Variants in PPAT observed in about 807,000 individuals in gnomAD.
PPAT encodes phosphoribosyl pyrophosphate amidotransferase, also known as amidophosphoribosyltransferase.
Under a neutral mutation model 60.2 loss-of-function variants are expected in PPAT, and 20 were observed. The observed-to-expected ratio is 0.33, with a 90% CI of 0.23 to 0.48. The LOEUF is 0.48. Among genes scored for constraint, PPAT ranks in the 20% least tolerant of loss-of-function variants. The pLI is 0.99. For missense variants in PPAT, 349 were observed against 629.6 expected (o/e 0.55, Z 4.77); for synonymous variants, 194 against 215.1 (o/e 0.90, Z 0.86).
intron 1 of PPAT, among the ~76,000 whole-genome samples, chr4:56,433,018 T>C (rs951559150): frequency 4.7e-5 from 7 of 150,264 alleles, no homozygotes; most frequent in Non-Finnish European, 1.0e-4. Context: ...TATATAAAAC[T>C]AAACTAAAAG....
intron 7 of PPAT, 85 bp downstream of exon 7, chr4:56,401,245 T>C: frequency 7.8e-7 from 1 of 1,279,652 alleles, no homozygotes; most frequent in Non-Finnish European, 1.1e-6. Flanking sequence ...AAGAGCCAGG[T>C]AAGCCTTTGA....
intron 1 of PPAT, chr4:56,420,093 A>C: frequency 1.5e-6 from 1 of 667,448 alleles, no homozygotes; most frequent in Non-Finnish European, 1.9e-6. Context: ...GTTACATCAC[A>C]CAGGTTCAAG....
chr4:56,435,512 T>A lies in PPAT; in HGVS notation c.-35A>T, dbSNP rs1490470385. 1 of 1,612,480 alleles carries A rather than the reference T, an allele frequency of 6.2e-7. No homozygotes were observed. Among genetic ancestry groups the A allele is most frequent in the Non-Finnish European group, 8.5e-7 (1 of 1,179,920 alleles). On this transcript the variant is annotated 5_prime_UTR_variant, in exon 1 of 11. Coordinates refer to ENST00000264220, the MANE Select transcript of PPAT (RefSeq NM_002703.5). ...GAAAGCACGTGGAAGGACCTGCCGC[T>A]GCGGCCAAGGTGTAAGCACCAACCA...
At chr4:56,406,726 TAGAAAAAA>T (rs1352542210) in intron 2 of PPAT, 25 bp from the exon 3 acceptor site, 1 of 1,553,812 alleles carries the variant, frequency 6.4e-7, no homozygotes, top group Non-Finnish European at 8.9e-7. Flanking sequence ...AAGTGCAACT[TAGAAAAAA>T]ACAGACTAGT....
intron 3 of PPAT, among the ~76,000 whole-genome samples, chr4:56,404,717 TG>T (rs535606757): frequency 1.3e-5 from 2 of 152,304 alleles, no homozygotes; most frequent in South Asian, 4.1e-4. Flanking sequence ...TTTTTTCATT[TG>T]GGGACAGAAA....
intron 1 of PPAT, among the ~76,000 whole-genome samples, chr4:56,427,235 T>C (rs1717336228): frequency 6.6e-6 from 1 of 152,242 alleles, no homozygotes; most frequent in African/African-American, 2.4e-5. Flanking sequence ...TTCTTTTGGG[T>C]ATATACCCAG....
rs891244919 is a variant in PPAT, at chr4:56,434,106, A to C, written c.128+1244T>G. Among the ~76,000 whole-genome samples the C allele has an allele frequency of 2.6e-5, 4 of 152,212 alleles. No homozygotes were observed. The East Asian group carries it at 7.7e-4, about 29-fold the overall frequency. ...TCAATAAACTTTTTTTAAAAAAAAC[A>C]AGAAATCTATTATGGTCAACCCACA... On this transcript the variant is annotated intron_variant, in intron 1 of 10. Coordinates refer to ENST00000264220, the MANE Select transcript of PPAT (RefSeq NM_002703.5).
At chr4:56,397,356 T>TAA (rs1411918634) in intron 9 of PPAT, among the ~76,000 whole-genome samples, 1 of 152,234 alleles carries the variant, frequency 6.6e-6, no homozygotes, top group Admixed American at 6.5e-5. Flanking sequence ...TAAACTCTTG[T>TAA]ATCTATTACA....
intron 1 of PPAT, among the ~76,000 whole-genome samples, chr4:56,432,155 G>C (rs1246559923): frequency 6.6e-6 from 1 of 152,136 alleles, no homozygotes; most frequent in Non-Finnish European, 1.5e-5. Context: ...TTTCAGATTA[G>C]ATTATACCCA....
intron 1 of PPAT, among the ~76,000 whole-genome samples, chr4:56,429,828 C>T (rs753774985): frequency 2.6e-5 from 4 of 152,234 alleles, no homozygotes; most frequent in Non-Finnish European, 5.9e-5. Context: ...ATTCTCACTT[C>T]TATCACCATA....
Position 56,403,029 on chromosome 4 carries a change from A to T in PPAT, c.661+11T>A, listed in dbSNP as rs752425755. The T allele has an allele frequency of 1.3e-6, 2 of 1,586,486 alleles. No homozygotes were observed. The highest frequency in any genetic ancestry group is 2.3e-5 in the South Asian group (2 of 86,548). On this transcript the variant is annotated intron_variant, in intron 5 of 10. Transcript: ENST00000264220. ...ACACTATGAAATGATATTCCTTCTA[A>T]AGTTTATTACCTTTGTCATTTATAT...
At chr4:56,426,590 G>A (rs1204273493) in intron 1 of PPAT, among the ~76,000 whole-genome samples, 1 of 152,020 alleles carries the variant, frequency 6.6e-6, no homozygotes, top group Non-Finnish European at 1.5e-5. Flanking sequence ...CCACGTTGTA[G>A]CATATATCAG....
intron 1 of PPAT, among the ~76,000 whole-genome samples, chr4:56,430,447 C>T (rs1476830243): frequency 1.3e-5 from 2 of 152,126 alleles, no homozygotes; most frequent in African/African-American, 4.8e-5. Context: ...GCAGGGACCA[C>T]ATCTGCCCTG....
intron 1 of PPAT, among the ~76,000 whole-genome samples, chr4:56,412,554 G>A (rs753192718): frequency 7.9e-5 from 12 of 151,980 alleles, no homozygotes; most frequent in Non-Finnish European, 1.6e-4. Flanking sequence ...CTCCTGCTTC[G>A]GCTTCCCGAA....
intron 1 of PPAT, among the ~76,000 whole-genome samples, chr4:56,425,856 T>C (rs757317143): frequency 3.9e-5 from 6 of 152,164 alleles, no homozygotes; most frequent in Non-Finnish European, 4.4e-5. Context: ...AGAGGAAGAT[T>C]TGGAAGCTCC....
chr4:56,409,733 C>G lies in PPAT; in HGVS notation c.129-2017G>C, dbSNP rs560045117. Among the ~76,000 whole-genome samples the G allele has an allele frequency of 3.2e-4, 48 of 152,248 alleles. No homozygotes were observed. The South Asian group carries it at 9.9e-3, about 32-fold the overall frequency. ...AGATGTTTATTGACCAATTTTTGTTCCAAAGAATATATATCAGGATAGAAA... is the reference window on the plus strand; with the variant it reads ...AGATGTTTATTGACCAATTTTTGTTGCAAAGAATATATATCAGGATAGAAA... On this transcript the variant is annotated intron_variant, in intron 1 of 10. Transcript: ENST00000264220.
chr4:56,435,608 C>G lies in PPAT; in HGVS notation c.-131G>C. On this transcript the variant is annotated 5_prime_UTR_variant, in exon 1 of 11. Transcript: ENST00000264220. ...GGCTCTTCCTTCCCGAGGGTGGCCC[C>G]AGCTACTGCGGCGGCGCGCGCTGTC... The G allele has an allele frequency of 6.6e-7, 1 of 1,516,986 alleles. No homozygotes were observed. The highest frequency in any genetic ancestry group is 8.9e-7 in the Non-Finnish European group (1 of 1,124,784). 94.0% of individuals were successfully genotyped at this position (1,516,986 alleles called of 1,614,324 possible).
chr4:56,410,966 A>G (rs1194488088), intron 1 of PPAT: 1 of 947,624 alleles, frequency 1.1e-6, no homozygotes, highest in African/African-American at 1.8e-5. Context: ...TTACAGTTTT[A>G]TGAACTGTAA....
chr4:56,413,099 G>C (rs1716545427), intron 1 of PPAT, among the ~76,000 whole-genome samples: 1 of 152,098 alleles, frequency 6.6e-6, no homozygotes, highest in Non-Finnish European at 1.5e-5. Context: ...ACTGATTCAG[G>C]AGGATATAAT....
Sources: gnomAD v4.1 joint callset for allele counts (sites outside exome capture counted in the v4.1 genomes callset) on GRCh38, gnomAD v4.1.1 for gene constraint, MANE v1.5 for transcripts, NCBI Gene and HGNC (gene_info 2026-07-23, HGNC 2026-07-21) for gene names.